The following DNAJC9 variants were observed in gnomAD, a reference collection of about 807,000 sequenced individuals.
DNAJC9 encodes the protein dnaJ homolog subfamily C member 9.
Under a neutral mutation model 32.4 loss-of-function variants are expected in DNAJC9, and 18 were observed. The ratio of observed to expected loss-of-function variants is 0.56; its 90% CI spans 0.38 to 0.82. The LOEUF (loss-of-function observed/expected upper bound fraction) is 0.82, where lower values mean the gene tolerates loss of function less well. Ranked by LOEUF, DNAJC9 falls within the 40% of genes least tolerant of loss-of-function variation. DNAJC9 has a pLI of 0.00. For synonymous variants in DNAJC9, 113 were observed against 122.1 expected, an observed-to-expected ratio of 0.93 and a Z score of 0.49; for missense variants, 310 against 321.8, an observed-to-expected ratio of 0.96 and a Z score of 0.28.
chr10:73,239,470 CTTCT>C, downstream of DNAJC9: 1 of 960,168 alleles, frequency 1.0e-6, no homozygotes, highest in Non-Finnish European at 1.6e-6. Flanking sequence ...CCTATTTCCC[CTTCT>C]TTCAGATTTT....
chr10:73,238,239 C>T (rs1482450506), downstream of DNAJC9, among the ~76,000 whole-genome samples: 6 of 152,088 alleles, frequency 3.9e-5, no homozygotes, highest in Non-Finnish European at 7.4e-5. Flanking sequence ...CCCAGCTACT[C>T]GGGAGGCTAA....
downstream of DNAJC9, among the ~76,000 whole-genome samples, chr10:73,238,330 G>A (rs1011631344): frequency 2.0e-5 from 3 of 152,204 alleles, no homozygotes; most frequent in Non-Finnish European, 4.4e-5. Context: ...CTGGGCGACA[G>A]AGCGAGAAGA....
In DNAJC9 at chr10:73,244,073, T is replaced by G. The variant is rs988303971; in HGVS notation, c.577-144A>C. On this transcript the variant is annotated intron_variant, in intron 3 of 4. Transcript: ENST00000372950. ...TGAATCGAATTACATAACTATGTCA[T>G]TCATTAAATGGCAACAATGCTGACA... 4 of 641,520 alleles carry G rather than the reference T, an allele frequency of 6.2e-6. No individual in the cohort carries two copies. In the Admixed American group the frequency reaches 1.3e-4, roughly 21 times the overall value. The allele number at this position is 641,520 out of a possible 1,614,324, so 39.7% of individuals were successfully genotyped here. A position where few individuals can be genotyped will look rare whatever the true frequency, so the allele number is the denominator to read the frequency against.
intron 3 of DNAJC9, among the ~76,000 whole-genome samples, chr10:73,244,701 C>T (rs1375609023): frequency 1.4e-4 from 22 of 151,896 alleles, no homozygotes; most frequent in Admixed American, 1.4e-3. Context: ...AATTTCAAAG[C>T]AGCCTTCCTT....
In DNAJC9 at chr10:73,245,980, G is replaced by A. The variant is rs1406863795; in HGVS notation, c.518C>T (p.Pro173Leu). ...IQQAIDAGEV[P>L]SYNAFVKESK... ...TTCTTTGACAAAGGCATTATAGGAT[G>A]GGACCTCTCCGGCGTCAATAGCTTG... Residue 173 changes from proline to leucine, a missense_variant, in exon 3 of 5, where the codon CCA becomes CTA. Transcript: ENST00000372950. 1.2e-6 allele frequency: 2 copies of A among 1,613,498 alleles called. No homozygotes were observed. The highest frequency in any genetic ancestry group is 2.7e-5 in the African/African-American group (2 of 74,988).
At chr10:73,237,591 T>C (rs1362944236), downstream of DNAJC9, among the ~76,000 whole-genome samples, 3 of 152,118 alleles carry the variant, frequency 2.0e-5, no homozygotes, top group South Asian at 4.1e-4. Context: ...AGCTAATTTT[T>C]GTATTCTTTT....
At chr10:73,246,641 G>T in intron 2 of DNAJC9, 47 bp downstream of exon 2, 10 of 1,600,862 alleles carry the variant, frequency 6.2e-6, no homozygotes, top group Non-Finnish European at 8.6e-6. Context: ...AAGGTTTGTT[G>T]ATTGAATGAT....
In DNAJC9 at chr10:73,247,206, A is replaced by C; in HGVS notation, c.-17T>G. 6.3e-7 allele frequency: 1 copy of C among 1,580,272 alleles called. No homozygotes were observed. The highest frequency in any genetic ancestry group is 8.6e-7 in the Non-Finnish European group (1 of 1,164,506). ...CAGCCCCATGCCGGGCGGAGATACG[A>C]CCCCGGAGGAAGCAGCCGCTCCCAG... On this transcript the variant is annotated 5_prime_UTR_variant, in exon 1 of 5. Transcript: ENST00000372950.
At chr10:73,235,175 CTT>C, downstream of DNAJC9, 2 of 1,550,992 alleles carry the variant, frequency 1.3e-6, no homozygotes, top group Non-Finnish European at 1.7e-6. Context: ...GTTTCTGTAA[CTT>C]TTGTCTCCTC....
chr10:73,246,936 G>C, intron 1 of DNAJC9, 74 bp downstream of exon 1: 4 of 1,573,642 alleles, frequency 2.5e-6, no homozygotes, highest in Non-Finnish European at 3.4e-6. Flanking sequence ...GCTCCCCCGG[G>C]GCGGGGCCCG....
rs1589204388 is a variant in DNAJC9, at chr10:73,243,717, T to C, written c.663+126A>G. The C allele has an allele frequency of 6.3e-6, 7 of 1,115,438 alleles. No homozygotes were observed. The East Asian group carries it at 1.7e-4, about 27-fold the overall frequency. 69.1% of individuals were successfully genotyped at this position (1,115,438 alleles called of 1,614,324 possible). Reference sequence around the variant, plus strand: ...CTTAAAACCACCAAATTGTACACTTTAAAAGGACAAATAGAAGGTATGCGG... The same window carrying C: ...CTTAAAACCACCAAATTGTACACTTCAAAAGGACAAATAGAAGGTATGCGG... On this transcript the variant is annotated intron_variant, in intron 4 of 4. Transcript: ENST00000372950.
downstream of DNAJC9, among the ~76,000 whole-genome samples, chr10:73,236,798 C>G (rs559958315): frequency 6.6e-6 from 1 of 151,762 alleles, no homozygotes; most frequent in Non-Finnish European, 1.5e-5. Flanking sequence ...TCACTGCAGC[C>G]TCAACCTCCT....
intron 3 of DNAJC9, among the ~76,000 whole-genome samples, chr10:73,245,120 T>TCC (rs1303676801): frequency 1.3e-5 from 2 of 148,534 alleles, no homozygotes; most frequent in Non-Finnish European, 3.0e-5. Flanking sequence ...ACTCCACCGT[T>TCC]CCCCTCAAGC....
chr10:73,232,873 C>T (rs1276764453), intron 2 of DNAJC9: 2 of 969,868 alleles, frequency 2.1e-6, no homozygotes, highest in African/African-American at 1.6e-5. Context: ...CTTTTTACCC[C>T]GTTAGTCTTG....
At chr10:73,232,620 G>C (rs2043731820) in intron 2 of DNAJC9, among the ~76,000 whole-genome samples, 1 of 152,222 alleles carries the variant, frequency 6.6e-6, no homozygotes, top group Admixed American at 6.5e-5. Flanking sequence ...GCACTTTGGA[G>C]TAGGTGTCCT....
At chr10:73,232,677 G>A (rs1698763453) in intron 2 of DNAJC9, among the ~76,000 whole-genome samples, 1 of 152,352 alleles carries the variant, frequency 6.6e-6, no homozygotes, top group Admixed American at 6.5e-5. Flanking sequence ...GTGATGGCAG[G>A]TGGATAATGG....
chr10:73,235,790 C>T (rs562143712), downstream of DNAJC9, among the ~76,000 whole-genome samples: 11 of 152,302 alleles, frequency 7.2e-5, no homozygotes, highest in South Asian at 2.3e-3. Flanking sequence ...GCCTTAGCCT[C>T]CCGAGTAGCT....
chr10:73,245,362 A>C (rs1589205526), intron 3 of DNAJC9, among the ~76,000 whole-genome samples: 7 of 111,984 alleles, frequency 6.3e-5, no homozygotes, highest in South Asian at 3.5e-4. Flanking sequence ...AACTCTCCTC[A>C]CCCCCACTGT....
chr10:73,237,836 A>C (rs896675487), downstream of DNAJC9, among the ~76,000 whole-genome samples: 3 of 151,966 alleles, frequency 2.0e-5, no homozygotes, highest in African/African-American at 7.3e-5. Flanking sequence ...TGATCCTCCC[A>C]CCGCAGCCTC....
Sources: allele counts gnomAD v4.1 joint callset (sites outside exome capture counted in the v4.1 genomes callset), GRCh38; gene constraint gnomAD v4.1.1; transcripts MANE v1.5; gene names NCBI Gene and HGNC (gene_info 2026-07-23, HGNC 2026-07-21).